Variants in RIMS3 observed in about 807,000 individuals in gnomAD.
RIMS3 encodes the protein regulating synaptic membrane exocytosis protein 3.
In RIMS3, 15 loss-of-function variants were observed where a neutral mutation model predicts 29.2. That is an observed-to-expected ratio of 0.51 (90% CI 0.34 to 0.79). The LOEUF (loss-of-function observed/expected upper bound fraction) is 0.79. Ranked by LOEUF, RIMS3 falls within the 30% of genes least tolerant of loss-of-function variation. The probability of loss-of-function intolerance (pLI) is 0.01; values close to 1 mark genes in which losing one functional copy is unlikely to be tolerated. For synonymous variants in RIMS3, 161 were observed against 170.1 expected, an observed-to-expected ratio of 0.95 and a Z score of 0.41; for missense variants, 342 against 421.4, an observed-to-expected ratio of 0.81 and a Z score of 1.65.
chr1:40,687,965 G>A, the RIMS3 span, among the ~76,000 whole-genome samples: 3 of 152,096 alleles, frequency 2.0e-5, no homozygotes, highest in Admixed American at 1.3e-4. Context: ...ATCTTTTAGT[G>A]CCGCTTTTCT....
chr1:40,670,574 T>TTATATATATATATG (rs1553146612), upstream of RIMS3, among the ~76,000 whole-genome samples: 26 of 71,210 alleles, frequency 3.7e-4, 1 homozygote, highest in African/African-American at 1.7e-3. Flanking sequence ...AGTTATAATT[T>TTATATATATATATG]TATATATATA....
At chr1:40,648,393 G>A (rs780604035) in intron 1 of RIMS3, among the ~76,000 whole-genome samples, 1 of 152,230 alleles carries the variant, frequency 6.6e-6, no homozygotes, top group African/African-American at 2.4e-5. Context: ...CAGAAAGGCA[G>A]AGTGAATGAA....
intron 5 of RIMS3, among the ~76,000 whole-genome samples, chr1:40,631,164 C>A (rs776049342): frequency 3.9e-5 from 6 of 152,074 alleles, no homozygotes; most frequent in Non-Finnish European, 5.9e-5. Context: ...GGAGTGGAGG[C>A]GAGGAGGCAC....
the RIMS3 span, among the ~76,000 whole-genome samples, chr1:40,677,570 C>T: frequency 8.6e-5 from 13 of 151,986 alleles, no homozygotes; most frequent in Admixed American, 3.3e-4. Context: ...TGGTGGCGGG[C>T]GCCCGTAGTC....
chr1:40,682,395 T>G, the RIMS3 span, among the ~76,000 whole-genome samples: 1 of 152,156 alleles, frequency 6.6e-6, no homozygotes, highest in Non-Finnish European at 1.5e-5. Flanking sequence ...AGGTGTTCTT[T>G]CCTTGTGGCT....
chr1:40,640,923 A>G (rs961309011), intron 3 of RIMS3, among the ~76,000 whole-genome samples: 2 of 152,122 alleles, frequency 1.3e-5, no homozygotes, highest in African/African-American at 4.8e-5. Flanking sequence ...GACTGGTTTT[A>G]TCTGTGACCA....
Position 40,628,874 on chromosome 1 carries a change from G to C in RIMS3, c.650C>G (p.Thr217Ser), listed in dbSNP as rs1460399816. 1 of 1,614,068 alleles carries C rather than the reference G, an allele frequency of 6.2e-7. No homozygotes were observed. Among genetic ancestry groups the C allele is most frequent in the Admixed American group, 1.7e-5 (1 of 60,020 alleles). The change falls in exon 7 of 8, where the codon ACC becomes AGC. Residue 217 changes from threonine to serine, a missense_variant. By Grantham distance (58) the Thr-to-Ser change is moderately conservative. Coordinates refer to ENST00000372684, the MANE Select transcript of RIMS3 (RefSeq NM_014747.3). Reference sequence around the variant, plus strand: ...AGCCTGCTGGTACAGGGGATCACAGGTCTTCTTGGTCATCTTTGTCTTCTT... The same window carrying C: ...AGCCTGCTGGTACAGGGGATCACAGCTCTTCTTGGTCATCTTTGTCTTCTT... ...AKKKTKMTKK[T>S]CDPLYQQALL...
intron 1 of RIMS3, among the ~76,000 whole-genome samples, chr1:40,652,109 T>C (rs1646635120): frequency 6.6e-6 from 1 of 152,144 alleles, no homozygotes; most frequent in Non-Finnish European, 1.5e-5. Flanking sequence ...ATCTCCACCA[T>C]TCGCCTCTCC....
At position 40,623,029 on chromosome 1, in the gene RIMS3, C is replaced by T. The variant is rs1233479339; in HGVS notation, c.*3488G>A. On this transcript the variant is annotated 3_prime_UTR_variant, in exon 8 of 8. Coordinates refer to ENST00000372684, the MANE Select transcript of RIMS3 (RefSeq NM_014747.3). ...AGTAAAGAAGAGATCAGGCATGCTTCCCTGGTGGGTGGCATGACCATGGGA... is the reference window on the plus strand; with the variant it reads ...AGTAAAGAAGAGATCAGGCATGCTTTCCTGGTGGGTGGCATGACCATGGGA... The T allele has an allele frequency of 5.2e-6, 1 of 191,378 alleles. No individual in the cohort carries two copies. The highest frequency in any genetic ancestry group is 1.1e-5 in the Non-Finnish European group (1 of 94,216). The allele number at this position is 191,378 out of a possible 1,614,324, so 11.9% of individuals were successfully genotyped here.
the RIMS3 span, among the ~76,000 whole-genome samples, chr1:40,679,096 A>G: frequency 2.6e-5 from 4 of 152,230 alleles, no homozygotes; most frequent in Non-Finnish European, 4.4e-5. Flanking sequence ...TTATGCTAAC[A>G]GAACTGCCAG....
upstream of RIMS3, chr1:40,669,217 A>G (rs1310112595): frequency 6.6e-6 from 1 of 152,246 alleles, no homozygotes; most frequent in Non-Finnish European, 1.5e-5. Context: ...AACCTAGCAT[A>G]TTTCATTTTC....
chr1:40,637,373 A>G (rs568796437), intron 3 of RIMS3, among the ~76,000 whole-genome samples: 2 of 152,304 alleles, frequency 1.3e-5, no homozygotes, highest in South Asian at 4.1e-4. Flanking sequence ...GTGGCGGGAC[A>G]GGCTGAGAAC....
intron 2 of RIMS3, among the ~76,000 whole-genome samples, chr1:40,646,456 G>A (rs1052744803): frequency 1.3e-5 from 2 of 152,114 alleles, no homozygotes; most frequent in Non-Finnish European, 2.9e-5. Context: ...CCCTTCCCAC[G>A]CAAGTCCCTT....
Position 40,626,598 on chromosome 1 carries a change from C to T in RIMS3, c.846G>A (p.Val282=). The T allele has an allele frequency of 1.2e-6, 2 of 1,614,132 alleles. No homozygotes were observed. The highest frequency in any genetic ancestry group is 1.1e-5 in the South Asian group (1 of 91,068). ...GWYKLFPTSS[V]ADSTLGSLTR... ...TGAGGGATCCGAGTGTGGAGTCTGCCACTGAGGAGGTGGGGAAGAGTTTGT... is the reference window on the plus strand; with the variant it reads ...TGAGGGATCCGAGTGTGGAGTCTGCTACTGAGGAGGTGGGGAAGAGTTTGT... Residue 282 remains valine, a synonymous_variant, in exon 8 of 8, where the codon GTG becomes GTA. Coordinates refer to ENST00000372684, the MANE Select transcript of RIMS3 (RefSeq NM_014747.3).
At chr1:40,675,281 A>G in the RIMS3 span, among the ~76,000 whole-genome samples, 3 of 151,692 alleles carry the variant, frequency 2.0e-5, no homozygotes, top group Admixed American at 6.6e-5. Context: ...CTCAGGAAAA[A>G]AAAAAAAGGA....
chr1:40,689,697 A>C, the RIMS3 span, among the ~76,000 whole-genome samples: 1 of 152,244 alleles, frequency 6.6e-6, no homozygotes. Context: ...CAACGGCTTT[A>C]GAAAGGGAAG....
the RIMS3 span, among the ~76,000 whole-genome samples, chr1:40,686,202 G>T: frequency 6.6e-6 from 1 of 152,066 alleles, no homozygotes; most frequent in Non-Finnish European, 1.5e-5. Flanking sequence ...GGGGTATTCA[G>T]CAGGCAAGAC....
rs1427316225 is a variant in RIMS3, at chr1:40,620,796, A to C, written c.*5721T>G. The C allele has an allele frequency of 6.5e-6, 1 of 152,708 alleles. No homozygotes were observed. The highest frequency in any genetic ancestry group is 2.4e-5 in the African/African-American group (1 of 41,464). 9.5% of individuals were successfully genotyped at this position (152,708 alleles called of 1,614,324 possible). The stretch of plus-strand genomic sequence containing the variant: ...AAGAATGTTGTACGAAACAGCCGGC[A>C]GTCCCTCCCAGCTGTGCACCTGCCA... On this transcript the variant is annotated 3_prime_UTR_variant, in exon 8 of 8. Coordinates refer to ENST00000372684, the MANE Select transcript of RIMS3 (RefSeq NM_014747.3).
At chr1:40,691,365 C>T in the RIMS3 span, 1 of 167,988 alleles carries the variant, frequency 6.0e-6, no homozygotes, top group African/African-American at 2.4e-5. Flanking sequence ...CACAAATACA[C>T]ACACACGCCC....
Sources: allele counts gnomAD v4.1 joint callset (sites outside exome capture counted in the v4.1 genomes callset), GRCh38; gene constraint gnomAD v4.1.1; transcripts MANE v1.5; gene names NCBI Gene and HGNC (gene_info 2026-07-23, HGNC 2026-07-21).